NEXMIF: variants seen among roughly 807,000 people sequenced by gnomAD.
NEXMIF encodes XLMR protein related to neurite extension.
Under a neutral mutation model 62.1 loss-of-function variants are expected in NEXMIF, and 8 were observed. The observed-to-expected ratio is 0.13, with a 90% CI of 0.08 to 0.23. The LOEUF is 0.23. Among genes scored for constraint, NEXMIF ranks in the 10% least tolerant of loss-of-function variants. The pLI is 1.00. For missense variants in NEXMIF, 976 were observed against 1,113.3 expected, an observed-to-expected ratio of 0.88 and a Z score of 1.75; for synonymous variants, 404 against 416.6, an observed-to-expected ratio of 0.97 and a Z score of 0.37.
At chrX:74,847,723 A>C (rs1220677016) in intron 1 of NEXMIF, among the ~76,000 whole-genome samples, 1 of 111,811 alleles carries the variant, frequency 8.9e-6, no homozygotes, top group African/African-American at 3.3e-5. Flanking sequence ...GGACATTTTC[A>C]AGTGGCAGCA....
Position 74,756,875 on chromosome X carries a change from C to T in NEXMIF, c.-47-11178G>A, listed in dbSNP as rs1338513404. ...ACCCATTGCACATGCAATTCCGAAG[C>T]CCACATTTCTTGAACAATAGTCAGC... On this transcript the variant is annotated intron_variant, in intron 1 of 3. Transcript: ENST00000055682. Among the ~76,000 whole-genome samples the T allele has an allele frequency of 2.7e-5, 3 of 111,791 alleles. No individual in the cohort carries two copies. The Admixed American group carries it at 2.9e-4, about 11-fold the overall frequency.
intron 1 of NEXMIF, among the ~76,000 whole-genome samples, chrX:74,827,656 G>A (rs1258072876): frequency 8.9e-6 from 1 of 111,871 alleles, no homozygotes; most frequent in African/African-American, 3.2e-5. Flanking sequence ...TGATGGGTGG[G>A]GAGCCCTTAT....
rs781425086 is a variant in NEXMIF at position 74,867,365 on chromosome X, T to G, written c.-48+57518A>C. Among the ~76,000 whole-genome samples the G allele has an allele frequency of 5.4e-5, 6 of 111,719 alleles. No homozygotes were observed. In the South Asian group the frequency reaches 2.3e-3, roughly 42 times the overall value. On this transcript the variant is annotated intron_variant, in intron 1 of 3. Coordinates refer to ENST00000055682, the MANE Select transcript of NEXMIF (RefSeq NM_001008537.3). ...GAGCAAAGCTGGAGGCATCACATCA[T>G]GCCACCCAACTTCAAACTATACTAC...
chrX:74,884,860 A>G (rs1279172977), intron 1 of NEXMIF, among the ~76,000 whole-genome samples: 1 of 111,678 alleles, frequency 9.0e-6, no homozygotes, highest in Admixed American at 9.5e-5. Flanking sequence ...TCAGCACCAC[A>G]CCACACCTAT....
intron 1 of NEXMIF, among the ~76,000 whole-genome samples, chrX:74,792,438 A>T (rs2080287682): frequency 9.4e-6 from 1 of 106,492 alleles, no homozygotes; most frequent in African/African-American, 3.4e-5. Flanking sequence ...GTGCTGAAAA[A>T]AATGTATATT....
chrX:74,768,111 A>C (rs1257241245), intron 1 of NEXMIF, among the ~76,000 whole-genome samples: 1 of 111,341 alleles, frequency 9.0e-6, no homozygotes, highest in Non-Finnish European at 1.9e-5. Flanking sequence ...GTCAGACTGC[A>C]GGCCCTGGTG....
intron 1 of NEXMIF, among the ~76,000 whole-genome samples, chrX:74,836,069 C>T (rs1282292986): frequency 8.9e-6 from 1 of 112,760 alleles, no homozygotes; most frequent in Non-Finnish European, 1.9e-5. Flanking sequence ...CACCACTTGC[C>T]CATGGTGGGG....
At chrX:74,851,407 C>G (rs1343648077) in intron 1 of NEXMIF, among the ~76,000 whole-genome samples, 1 of 111,063 alleles carries the variant, frequency 9.0e-6, no homozygotes, top group Non-Finnish European at 1.9e-5. Flanking sequence ...CTAAAAAGGT[C>G]TTATCCACTG....
intron 1 of NEXMIF, among the ~76,000 whole-genome samples, chrX:74,912,770 T>C (rs760587154): frequency 8.9e-6 from 1 of 111,805 alleles, no homozygotes; most frequent in Non-Finnish European, 1.9e-5. Flanking sequence ...GCTCTACATA[T>C]ATGTTATCCA....
At chrX:74,808,273 A>G (rs909450923) in intron 1 of NEXMIF, among the ~76,000 whole-genome samples, 1 of 110,653 alleles carries the variant, frequency 9.0e-6, no homozygotes, top group Admixed American at 9.6e-5. Flanking sequence ...GTGTGGTGGC[A>G]TAAGACTGTA....
intron 1 of NEXMIF, among the ~76,000 whole-genome samples, chrX:74,870,315 A>T (rs893158785): frequency 9.0e-6 from 1 of 111,532 alleles, no homozygotes; most frequent in Non-Finnish European, 1.9e-5. Context: ...ATATACAAAA[A>T]TCAAATCAAA....
intron 1 of NEXMIF, among the ~76,000 whole-genome samples, chrX:74,920,455 C>T (rs1386241024): frequency 9.0e-6 from 1 of 111,194 alleles, no homozygotes; most frequent in Non-Finnish European, 1.9e-5. Flanking sequence ...TATCCTTTGC[C>T]CACTTTTTGA....
chrX:74,741,842 T>C lies in NEXMIF; in HGVS notation c.2715A>G (p.Ser905=). 2 of 1,211,731 alleles carry C rather than the reference T, an allele frequency of 1.7e-6. No homozygotes were observed. Among genetic ancestry groups the C allele is most frequent in the Non-Finnish European group, 2.2e-6 (2 of 895,265 alleles). Residue 905 remains serine, a synonymous_variant, in exon 3 of 4, where the codon TCA becomes TCG. Coordinates refer to ENST00000055682, the MANE Select transcript of NEXMIF (RefSeq NM_001008537.3). ...SGTQEFMAEV[S]REIAPTQSSE... is the part of the protein sequence containing the mutation. The stretch of plus-strand genomic sequence containing the variant: ...TGGATTGGGTTGGGGCTATCTCCCT[T>C]GAGACTTCAGCCATGAATTCCTGGG...
chrX:74,762,136 G>A (rs1223658054), intron 1 of NEXMIF, among the ~76,000 whole-genome samples: 9 of 64,680 alleles, frequency 1.4e-4, no homozygotes, highest in African/African-American at 5.8e-4. Flanking sequence ...CCCACAACAG[G>A]CCCTGGTGTG....
chrX:74,877,116 G>A (rs2080638781), intron 1 of NEXMIF, among the ~76,000 whole-genome samples: 1 of 111,802 alleles, frequency 8.9e-6, no homozygotes, highest in Non-Finnish European at 1.9e-5. Context: ...GCATGATTTT[G>A]CAGCAGCTGG....
chrX:74,815,811 T>C (rs2147476827), intron 1 of NEXMIF, among the ~76,000 whole-genome samples: 1 of 109,823 alleles, frequency 9.1e-6, no homozygotes, highest in South Asian at 4.0e-4. Context: ...ATTTTTTGTA[T>C]CTTTAGTAGA....
chrX:74,888,255 G>A (rs1459586736), intron 1 of NEXMIF, among the ~76,000 whole-genome samples: 8 of 106,010 alleles, frequency 7.5e-5, no homozygotes, highest in African/African-American at 2.4e-4. Flanking sequence ...AAACCTTCAC[G>A]TTGTGCACAT....
intron 1 of NEXMIF, among the ~76,000 whole-genome samples, chrX:74,881,755 C>A (rs1281888928): frequency 1.1e-5 from 1 of 88,715 alleles, no homozygotes; most frequent in Non-Finnish European, 2.0e-5. Context: ...CAGCCTGGCT[C>A]CAATCAGCAT....
chrX:74,763,951 C>A (rs1443956358), intron 1 of NEXMIF, among the ~76,000 whole-genome samples: 1 of 111,275 alleles, frequency 9.0e-6, no homozygotes, highest in Non-Finnish European at 1.9e-5. Context: ...TAATTGAATA[C>A]CCTTTATTTC....
Sources: gnomAD v4.1 joint callset for allele counts (sites outside exome capture counted in the v4.1 genomes callset) on GRCh38, gnomAD v4.1.1 for gene constraint, MANE v1.5 for transcripts, NCBI Gene and HGNC (gene_info 2026-07-23, HGNC 2026-07-21) for gene names.